MGAM2: variants seen among roughly 807,000 people sequenced by gnomAD.
The protein encoded by MGAM2 is probable maltase-glucoamylase 2.
Under a neutral mutation model 96.1 loss-of-function variants are expected in MGAM2, and 98 were observed. That is an observed-to-expected ratio of 1.02 (90% CI 0.87 to 1.21). The LOEUF is 1.21. MGAM2 is among the 50% of genes most tolerant of loss of function. MGAM2 has a pLI of 0.00. For missense variants in MGAM2, 2,055 were observed against 1,182.4 expected (o/e 1.74, Z -10.82); for synonymous variants, 749 against 414.8 (o/e 1.81, Z -9.79).
In MGAM2 at chr7:142,158,238, T is replaced by G. The variant is rs1229946207; in HGVS notation, c.2079-10T>G. 1.4e-6 allele frequency: 1 copy of G among 703,018 alleles called. No homozygotes were observed. The allele number at this position is 703,018 out of a possible 1,614,324, so 43.5% of individuals were successfully genotyped here. Reference sequence around the variant, plus strand: ...CTTCACCTGCCTTCACTGTGCTACCTCTTTACTAGGTTCTACCAGGACTCA... The same window carrying G: ...CTTCACCTGCCTTCACTGTGCTACCGCTTTACTAGGTTCTACCAGGACTCA... On this transcript the variant is annotated splice_polypyrimidine_tract_variant and intron_variant, in intron 18 of 47. Coordinates refer to ENST00000477922, the MANE Select transcript of MGAM2 (RefSeq NM_001293626.2).
chr7:142,113,975 A>G (rs1817265367), intron 1 of MGAM2, among the ~76,000 whole-genome samples: 1 of 151,842 alleles, frequency 6.6e-6, no homozygotes, highest in African/African-American at 2.4e-5. Flanking sequence ...CTACAAAAAT[A>G]TAAAAATTAG....
intron 33 of MGAM2, among the ~76,000 whole-genome samples, chr7:142,183,769 C>A (rs1796610408): frequency 6.6e-6 from 1 of 152,010 alleles, no homozygotes; most frequent in African/African-American, 2.4e-5. Context: ...CCTATAGATT[C>A]TCCTCTTTCT....
chr7:142,218,387 C>A lies in MGAM2; in HGVS notation c.5214C>A (p.His1738Gln). The A allele has an allele frequency of 5.7e-6, 4 of 699,502 alleles. No homozygotes were observed. Among genetic ancestry groups the A allele is most frequent in the Non-Finnish European group, 1.0e-5 (4 of 383,836 alleles). The allele number at this position is 699,502 out of a possible 1,614,324, so 43.3% of individuals were successfully genotyped here. A position where few individuals can be genotyped will look rare whatever the true frequency, so the allele number is the denominator to read the frequency against. Residue 1738 changes from histidine (H) to glutamine (Q), a missense_variant, in exon 47 of 48, where the codon CAC becomes CAA. Physicochemically the swap from His to Gln is conservative, Grantham distance 24. Coordinates refer to ENST00000477922, the MANE Select transcript of MGAM2 (RefSeq NM_001293626.2). ...AQNILQIQTI[H>Q]NKYLSDSNPL... ...ACATCCTGCAAATCCAGACCATACA[C>A]AATAAGTATTTGAGTGACTCGAATC... is the stretch of plus-strand genomic sequence containing the variant.
chr7:142,148,715 G>A lies in MGAM2; in HGVS notation c.1634+1142G>A, dbSNP rs1795463564. Reference sequence around the variant, plus strand: ...CAGATGCGGAAACTAAAGAGCTGCTGTGGATCCTCCAGTGGCTTAGGAAAG... The same window carrying A: ...CAGATGCGGAAACTAAAGAGCTGCTATGGATCCTCCAGTGGCTTAGGAAAG... On this transcript the variant is annotated intron_variant, in intron 15 of 47. Transcript: ENST00000477922. This position sits in a 1 kb window ranked among gnomAD's most constrained non-coding sequence, Gnocchi z 4.2. Among the ~76,000 whole-genome samples, 1 of 152,206 alleles carries A rather than the reference G, an allele frequency of 6.6e-6. No homozygotes were observed. The highest frequency in any genetic ancestry group is 1.5e-5 in the Non-Finnish European group (1 of 68,032).
chr7:142,220,497 A>T lies in MGAM2; in HGVS notation c.5986A>T (p.Thr1996Ser), dbSNP rs1797891321. 1 of 702,384 alleles carries T rather than the reference A, an allele frequency of 1.4e-6. No homozygotes were observed. Among genetic ancestry groups the T allele is most frequent in the Non-Finnish European group, 2.6e-6 (1 of 384,898 alleles). 43.5% of individuals were successfully genotyped at this position (702,384 alleles called of 1,614,324 possible). A position where few individuals can be genotyped will look rare whatever the true frequency, so the allele number is the denominator to read the frequency against. ...TACTATTAGTGTTACAACTAGTACT[A>T]CTGTTCCTGATACAACTGCTCCTTT... is the stretch of plus-strand genomic sequence containing the variant. ...TSTISVTTST[T>S]VPDTTAPFPT... is the part of the protein sequence containing the mutation. The change falls in exon 48 of 48, where the codon ACT (threonine) becomes TCT (serine). Residue 1996 changes from threonine (T) to serine (S), a missense_variant. Coordinates refer to ENST00000477922, the MANE Select transcript of MGAM2 (RefSeq NM_001293626.2).
At chr7:142,210,512 T>G (rs1797546460) in intron 46 of MGAM2, among the ~76,000 whole-genome samples, 1 of 152,136 alleles carries the variant, frequency 6.6e-6, no homozygotes, top group African/African-American at 2.4e-5. Context: ...GGGAGGGGCA[T>G]CCGCCATTAC....
chr7:142,176,370 C>G (rs533375207), intron 32 of MGAM2, among the ~76,000 whole-genome samples: 1 of 152,308 alleles, frequency 6.6e-6, no homozygotes, highest in East Asian at 1.9e-4. Flanking sequence ...GCTTCCAAAA[C>G]TTACAGCATT....
intron 37 of MGAM2, among the ~76,000 whole-genome samples, chr7:142,195,775 A>G (rs934083463): frequency 1.3e-5 from 2 of 152,254 alleles, no homozygotes; most frequent in Non-Finnish European, 2.9e-5. Flanking sequence ...CCTAACAGTA[A>G]AAGGAGTGCA....
intron 13 of MGAM2, 50 bp downstream of exon 13, chr7:142,143,932 A>C (rs1327575524): frequency 1.4e-6 from 1 of 699,598 alleles, no homozygotes; most frequent in Non-Finnish European, 2.6e-6. Context: ...GATAACGCCA[A>C]ATTTTCAGAT....
intron 32 of MGAM2, among the ~76,000 whole-genome samples, chr7:142,176,177 G>A (rs973199234): frequency 1.3e-5 from 2 of 151,072 alleles, no homozygotes; most frequent in Non-Finnish European, 2.9e-5. Flanking sequence ...TCATCTTTAC[G>A]TCAGGAGGTT....
At chr7:142,205,458 T>C (rs1310949402) in intron 45 of MGAM2, among the ~76,000 whole-genome samples, 2 of 143,906 alleles carry the variant, frequency 1.4e-5, no homozygotes, top group Non-Finnish European at 3.1e-5. Context: ...TCTCTCTTCT[T>C]CCTTGTCAAC....
chr7:142,207,124 C>G (rs1392449314), intron 45 of MGAM2, among the ~76,000 whole-genome samples: 1 of 152,090 alleles, frequency 6.6e-6, no homozygotes, highest in Non-Finnish European at 1.5e-5. Flanking sequence ...GGGCCAAGAA[C>G]AGAACATGAA....
intron 17 of MGAM2, 32 bp from the exon 18 acceptor site, chr7:142,157,905 A>G (rs769355878): frequency 1.4e-6 from 1 of 700,744 alleles, no homozygotes; most frequent in Non-Finnish European, 2.6e-6. Flanking sequence ...GATGGAAAGA[A>G]ATATTCAGCC....
chr7:142,199,234 A>G (rs1797144484), intron 44 of MGAM2, among the ~76,000 whole-genome samples: 1 of 152,242 alleles, frequency 6.6e-6, no homozygotes, highest in Non-Finnish European at 1.5e-5. Flanking sequence ...AAAATCATTG[A>G]TTAAACAGAA....
chr7:142,156,226 C>G (rs975286973), intron 17 of MGAM2, among the ~76,000 whole-genome samples: 3 of 151,726 alleles, frequency 2.0e-5, no homozygotes, highest in Non-Finnish European at 4.4e-5. Flanking sequence ...CAATGTGTAT[C>G]TATATGTGTG....
intron 7 of MGAM2, among the ~76,000 whole-genome samples, chr7:142,134,771 T>C (rs1795006697): frequency 6.9e-6 from 1 of 144,522 alleles, no homozygotes; most frequent in Non-Finnish European, 1.5e-5. Flanking sequence ...GAAGGACTAG[T>C]TTCTTAAAAA....
At chr7:142,215,345 A>C (rs1797723303) in intron 46 of MGAM2, among the ~76,000 whole-genome samples, 1 of 152,070 alleles carries the variant, frequency 6.6e-6, no homozygotes. Context: ...GAAATCCCTA[A>C]TGTAGATGAC....
At chr7:142,142,355 T>C in intron 12 of MGAM2, among the ~76,000 whole-genome samples, 1 of 152,142 alleles carries the variant, frequency 6.6e-6, no homozygotes, top group South Asian at 2.1e-4. Flanking sequence ...TATCCACACT[T>C]ATGAGTCATT....
intron 30 of MGAM2, among the ~76,000 whole-genome samples, chr7:142,173,015 A>T (rs1796245970): frequency 6.6e-6 from 1 of 152,222 alleles, no homozygotes; most frequent in South Asian, 2.1e-4. Context: ...CAGGTTTCCT[A>T]GAATGAAAAC....
Sources: gnomAD v4.1 joint callset for allele counts (sites outside exome capture counted in the v4.1 genomes callset) on GRCh38, gnomAD v4.1.1 for gene constraint, Gnocchi (gnomAD v3.1) non-coding constraint, MANE v1.5 for transcripts, NCBI Gene and HGNC (gene_info 2026-07-23, HGNC 2026-07-21) for gene names.